Variants in CNBD1 observed in about 807,000 individuals in gnomAD.
The protein encoded by CNBD1 is cyclic nucleotide-binding domain-containing protein 1.
CNBD1 carries 71 observed loss-of-function variants against 54.4 expected under a neutral mutation model. The observed-to-expected ratio is 1.30, with a 90% CI of 1.08 to 1.59. The LOEUF (loss-of-function observed/expected upper bound fraction) is 1.59, where lower values mean the gene tolerates loss of function less well. Among genes scored for constraint, CNBD1 ranks in the 40% most tolerant of loss-of-function variants. CNBD1 has a pLI of 0.00. For synonymous variants in CNBD1, 182 were observed against 170.7 expected, an observed-to-expected ratio of 1.07 and a Z score of -0.51; for missense variants, 659 against 518.0, an observed-to-expected ratio of 1.27 and a Z score of -2.64.
intron 3 of CNBD1, among the ~76,000 whole-genome samples, chr8:86,933,386 C>T (rs1239258046): frequency 6.6e-6 from 1 of 152,066 alleles, no homozygotes; most frequent in East Asian, 1.9e-4. Context: ...GTGGTACATA[C>T]ATATAATGAA....
intron 10 of CNBD1, among the ~76,000 whole-genome samples, chr8:87,380,411 T>C (rs1367428066): frequency 6.6e-6 from 1 of 151,998 alleles, no homozygotes; most frequent in Non-Finnish European, 1.5e-5. Flanking sequence ...ACTGTTTTGA[T>C]TACTGTAGCT....
At chr8:87,057,575 G>T (rs546851560) in intron 4 of CNBD1, among the ~76,000 whole-genome samples, 1 of 152,188 alleles carries the variant, frequency 6.6e-6, no homozygotes, top group Non-Finnish European at 1.5e-5. Flanking sequence ...ATGGTTGGGC[G>T]CAGTGGCCCA....
At chr8:87,210,743 G>A (rs1370842922) in intron 5 of CNBD1, among the ~76,000 whole-genome samples, 1 of 152,218 alleles carries the variant, frequency 6.6e-6, no homozygotes, top group Non-Finnish European at 1.5e-5. Flanking sequence ...TTCAATGGGT[G>A]TATGAGAAAA....
intron 8 of CNBD1, among the ~76,000 whole-genome samples, chr8:87,338,409 C>T (rs1163889046): frequency 3.9e-5 from 6 of 152,028 alleles, no homozygotes; most frequent in East Asian, 1.9e-4. Context: ...ATTGTTTCCT[C>T]GTTACTTTTG....
At chr8:87,274,866 A>C (rs1432904888) in intron 6 of CNBD1, among the ~76,000 whole-genome samples, 1 of 133,746 alleles carries the variant, frequency 7.5e-6, no homozygotes, top group Non-Finnish European at 1.6e-5. Flanking sequence ...CTGAATGGTA[A>C]TTTTAGCCTA....
chr8:87,282,212 C>A (rs558942657), intron 6 of CNBD1, among the ~76,000 whole-genome samples: 12 of 151,560 alleles, frequency 7.9e-5, no homozygotes, highest in Middle Eastern at 7.4e-3. Context: ...TATAAAGATT[C>A]TCAAATATTT....
In CNBD1 at chr8:87,421,635, C is replaced by T. The variant is rs62528190; in HGVS notation, c.214-6911C>T. On this transcript the variant is annotated intron_variant, in intron 2 of 7. Coordinates refer to the CNBD1 transcript ENST00000521593. ...ATTTTTATGGCTGCATAGTATTCCA[C>T]GGTGTATATGTGCCACATTTTCTTA... 5.8e-3 allele frequency among the ~76,000 whole-genome samples: 878 copies of T among 151,700 alleles called. 6 individuals are homozygous for T. The highest frequency in any genetic ancestry group is 8.8e-3 in the Non-Finnish European group (597 of 67,898).
chr8:86,917,797 A>G (rs1440988634), intron 3 of CNBD1, among the ~76,000 whole-genome samples: 1 of 152,160 alleles, frequency 6.6e-6, no homozygotes, highest in African/African-American at 2.4e-5. Flanking sequence ...GCCCTCCCCC[A>G]ACACACACCC....
chr8:87,172,163 G>C (rs1312857002), intron 4 of CNBD1, among the ~76,000 whole-genome samples: 1 of 151,710 alleles, frequency 6.6e-6, no homozygotes, highest in Non-Finnish European at 1.5e-5. Context: ...TTAACAAGAA[G>C]AATTCTTGTT....
At chr8:87,002,882 G>A (rs1809021675) in intron 4 of CNBD1, among the ~76,000 whole-genome samples, 1 of 152,182 alleles carries the variant, frequency 6.6e-6, no homozygotes, top group East Asian at 1.9e-4. Context: ...GGTATTCCAG[G>A]TGACTAGAAA....
At chr8:87,064,542 G>A (rs1277706555) in intron 4 of CNBD1, among the ~76,000 whole-genome samples, 1 of 151,626 alleles carries the variant, frequency 6.6e-6, no homozygotes, top group Non-Finnish European at 1.5e-5. Context: ...AAAATTTAAA[G>A]GATGTTATTG....
At chr8:87,223,286 A>C (rs1227697211) in intron 5 of CNBD1, among the ~76,000 whole-genome samples, 5 of 150,684 alleles carry the variant, frequency 3.3e-5, no homozygotes, top group Non-Finnish European at 7.4e-5. Flanking sequence ...ACATGTGCAC[A>C]TTGTGCAGGT....
At chr8:87,272,886 A>G (rs569195830) in intron 6 of CNBD1, among the ~76,000 whole-genome samples, 1 of 151,920 alleles carries the variant, frequency 6.6e-6, no homozygotes, top group East Asian at 1.9e-4. Flanking sequence ...TTAACACTAA[A>G]TTTCACATTA....
intron 8 of CNBD1, among the ~76,000 whole-genome samples, chr8:87,328,954 A>T (rs1225383372): frequency 1.3e-4 from 20 of 152,038 alleles, no homozygotes; most frequent in Admixed American, 1.3e-3. Flanking sequence ...TTCTTTTTGT[A>T]TAGTCATTAC....
At chr8:87,095,894 G>T (rs1004038056) in intron 4 of CNBD1, among the ~76,000 whole-genome samples, 1 of 152,152 alleles carries the variant, frequency 6.6e-6, no homozygotes, top group Non-Finnish European at 1.5e-5. Context: ...TCCTGACCTC[G>T]TGATCTGCCC....
At chr8:87,293,281 AC>A (rs1342409323) in intron 8 of CNBD1, among the ~76,000 whole-genome samples, 1 of 152,156 alleles carries the variant, frequency 6.6e-6, no homozygotes, top group Non-Finnish European at 1.5e-5. Flanking sequence ...ACAGTGGCTC[AC>A]ACCCATATCC....
intron 10 of CNBD1, among the ~76,000 whole-genome samples, chr8:87,372,339 T>G (rs1374737335): frequency 1.3e-5 from 2 of 152,016 alleles, no homozygotes; most frequent in African/African-American, 4.8e-5. Flanking sequence ...TTTTAGTTTA[T>G]CCTACTTGCA....
intron 2 of CNBD1, among the ~76,000 whole-genome samples, chr8:87,394,918 A>G (rs1056550711): frequency 5.9e-5 from 9 of 151,918 alleles, no homozygotes; most frequent in Non-Finnish European, 1.3e-4. Flanking sequence ...GCAAGATGAG[A>G]CATTATTACC....
At chr8:87,374,572 C>G (rs1293201469) in intron 10 of CNBD1, among the ~76,000 whole-genome samples, 1 of 151,828 alleles carries the variant, frequency 6.6e-6, no homozygotes, top group African/African-American at 2.4e-5. Context: ...ACAACTCTCT[C>G]TTTTGTCTTC....
Sources: gnomAD v4.1 joint callset for allele counts (sites outside exome capture counted in the v4.1 genomes callset) on GRCh38, gnomAD v4.1.1 for gene constraint, MANE v1.5 for transcripts, NCBI Gene and HGNC (gene_info 2026-07-23, HGNC 2026-07-21) for gene names.